The following GDPD1 variants were observed in gnomAD, a reference collection of about 807,000 sequenced individuals.
GDPD1 encodes the protein glycerophosphodiester phosphodiesterase domain containing 1.
A neutral mutation model predicts 45.1 loss-of-function variants in GDPD1; 28 were observed. That is an observed-to-expected ratio of 0.62 (90% CI 0.46 to 0.85). The LOEUF (loss-of-function observed/expected upper bound fraction) is 0.85. Ranked by LOEUF, GDPD1 falls within the 40% of genes least tolerant of loss-of-function variation. GDPD1 has a pLI of 0.00. For missense variants in GDPD1, 256 were observed against 364.8 expected, an observed-to-expected ratio of 0.70 and a Z score of 2.43; for synonymous variants, 139 against 131.4, an observed-to-expected ratio of 1.06 and a Z score of -0.40.
intron 2 of GDPD1, among the ~76,000 whole-genome samples, chr17:59,244,045 A>G (rs1053179910): frequency 1.3e-5 from 2 of 152,222 alleles, no homozygotes; most frequent in Non-Finnish European, 2.9e-5. Context: ...AGACCAAGGC[A>G]AGTTTTACCA....
chr17:59,272,314 A>G (rs1308718819), intron 8 of GDPD1, among the ~76,000 whole-genome samples: 3 of 152,236 alleles, frequency 2.0e-5, no homozygotes, highest in South Asian at 2.1e-4. Flanking sequence ...AGGATAGTGT[A>G]ATTAATGGAC....
intron 4 of GDPD1, among the ~76,000 whole-genome samples, chr17:59,255,857 G>GTATATATATATATATACACGTATATA (rs2047303450): frequency 1.2e-4 from 5 of 40,866 alleles, no homozygotes; most frequent in African/African-American, 7.3e-4. Context: ...ATATACACAC[G>GTATATATATATATATACACGTATATA]TATATATATA....
At chr17:59,264,081 C>T (rs1191448451) in intron 6 of GDPD1, among the ~76,000 whole-genome samples, 2 of 152,170 alleles carry the variant, frequency 1.3e-5, no homozygotes, top group African/African-American at 4.8e-5. Context: ...TCACCGCAAC[C>T]TCCGCCTGCT....
At chr17:59,263,099 C>A (rs943065171) in intron 6 of GDPD1, among the ~76,000 whole-genome samples, 6 of 152,244 alleles carry the variant, frequency 3.9e-5, no homozygotes, top group Middle Eastern at 3.4e-3. Context: ...GGTCTTGATA[C>A]TATAGTATAG....
chr17:59,220,606 T>A lies in GDPD1; in HGVS notation c.-4T>A, dbSNP rs557336698. On this transcript the variant is annotated 5_prime_UTR_variant, in exon 1 of 10. Transcript: ENST00000284116. ...GGTGGGAGACTTCCCACACGGTGAC[T>A]GAGATGTCGTCCACTGCGGCTTTTT... The A allele has an allele frequency of 6.9e-5, 112 of 1,612,832 alleles. No individual in the cohort carries two copies. Among genetic ancestry groups the A allele is most frequent in the Non-Finnish European group, 9.1e-5 (107 of 1,179,164 alleles).
intron 1 of GDPD1, among the ~76,000 whole-genome samples, chr17:59,230,190 T>C (rs1309578681): frequency 6.6e-6 from 1 of 151,870 alleles, no homozygotes; most frequent in Non-Finnish European, 1.5e-5. Flanking sequence ...ATATATGACC[T>C]GAAGAAAAAG....
Position 59,274,101 on chromosome 17 carries a change from T to C in GDPD1, c.*328T>C. On this transcript the variant is annotated 3_prime_UTR_variant, in exon 10 of 10. Coordinates refer to ENST00000284116, the MANE Select transcript of GDPD1 (RefSeq NM_182569.4). ...ACACAGAAATGTACATACTACATCA[T>C]CTACAGAAATCTTGATCAATAACCT... 1.3e-6 allele frequency: 1 copy of C among 761,858 alleles called. No homozygotes were observed. The highest frequency in any genetic ancestry group is 1.6e-6 in the Non-Finnish European group (1 of 626,686). 47.2% of individuals were successfully genotyped at this position (761,858 alleles called of 1,614,324 possible). A position where few individuals can be genotyped will look rare whatever the true frequency, so the allele number is the denominator to read the frequency against.
intron 1 of GDPD1, among the ~76,000 whole-genome samples, chr17:59,225,153 A>G (rs146914082): frequency 2.1e-3 from 264 of 126,648 alleles, no homozygotes; most frequent in Middle Eastern, 0.016. Flanking sequence ...GTCCAGTGGT[A>G]TGATCTCGGC....
intron 1 of GDPD1, among the ~76,000 whole-genome samples, chr17:59,229,768 G>A (rs1037423444): frequency 7.9e-5 from 12 of 152,216 alleles, no homozygotes; most frequent in South Asian, 2.1e-4. Flanking sequence ...CTTATTCAGC[G>A]TCCCCAAGGG....
chr17:59,256,498 G>A (rs374731575), intron 4 of GDPD1, among the ~76,000 whole-genome samples: 134 of 152,176 alleles, frequency 8.8e-4, no homozygotes, highest in African/African-American at 3.1e-3. Flanking sequence ...TTGCCTGAAT[G>A]TTATTTTTAA....
chr17:59,257,813 T>C lies in GDPD1; in HGVS notation c.549T>C (p.Tyr183=), dbSNP rs1396712938. 2.5e-6 allele frequency: 4 copies of C among 1,603,802 alleles called. No homozygotes were observed. Reference sequence around the variant, plus strand: ...TAACAGTGTGGGGTAATGCCAATTATGAAATTGTAGAAAAGTGCTACAAAG... The same window carrying C: ...TAACAGTGTGGGGTAATGCCAATTACGAAATTGTAGAAAAGTGCTACAAAG... ...EHLTVWGNAN[Y]EIVEKCYKEN... Residue 183 remains tyrosine (Y), a synonymous_variant, in exon 6 of 10, where the codon TAT becomes TAC. Transcript: ENST00000284116.
At position 59,274,972 on chromosome 17, in the gene GDPD1, C is replaced by A. The variant is rs184772782; in HGVS notation, c.*1199C>A. 7.8e-6 allele frequency: 4 copies of A among 515,812 alleles called. No individual in the cohort carries two copies. Among genetic ancestry groups the A allele is most frequent in the Non-Finnish European group, 7.0e-6 (2 of 283,914 alleles). 32.0% of individuals were successfully genotyped at this position (515,812 alleles called of 1,614,324 possible). ...TTCTCCTGCCTCTGCCTCCCGAGTA[C>A]CTGGGATTACAGGTGCCTGCTACCA... On this transcript the variant is annotated 3_prime_UTR_variant, in exon 10 of 10. Transcript: ENST00000284116.
At chr17:59,224,454 G>A (rs1028323957) in intron 1 of GDPD1, among the ~76,000 whole-genome samples, 1 of 151,720 alleles carries the variant, frequency 6.6e-6, no homozygotes, top group Admixed American at 6.6e-5. Flanking sequence ...AAACACCGTC[G>A]CTACTAAAAA....
intron 4 of GDPD1, among the ~76,000 whole-genome samples, chr17:59,256,223 G>T (rs2047308202): frequency 6.6e-6 from 1 of 151,812 alleles, no homozygotes; most frequent in Non-Finnish European, 1.5e-5. Context: ...AGGTCAAGGT[G>T]GGAGGATCAC....
chr17:59,265,764 G>C (rs1479016581), intron 6 of GDPD1, among the ~76,000 whole-genome samples: 1 of 151,480 alleles, frequency 6.6e-6, no homozygotes, highest in African/African-American at 2.4e-5. Flanking sequence ...AGCTGGGCAT[G>C]GTGGCACACA....
chr17:59,253,701 C>T (rs1170966350), intron 4 of GDPD1, among the ~76,000 whole-genome samples: 1 of 151,956 alleles, frequency 6.6e-6, no homozygotes, highest in African/African-American at 2.4e-5. Context: ...TTTTAATTTG[C>T]CCACACCGTG....
chr17:59,230,554 G>A (rs539304061), intron 1 of GDPD1, among the ~76,000 whole-genome samples: 1 of 151,492 alleles, frequency 6.6e-6, no homozygotes, highest in Non-Finnish European at 1.5e-5. Flanking sequence ...GGCTAATTTT[G>A]TATTTTTATT....
chr17:59,261,115 G>C (rs1237930427), intron 6 of GDPD1, among the ~76,000 whole-genome samples: 1 of 152,172 alleles, frequency 6.6e-6, no homozygotes, highest in Non-Finnish European at 1.5e-5. Context: ...GCAGGTGCGT[G>C]CTGCCATGCC....
intron 6 of GDPD1, among the ~76,000 whole-genome samples, chr17:59,264,005 A>G (rs1226418129): frequency 2.0e-5 from 3 of 151,714 alleles, no homozygotes; most frequent in Non-Finnish European, 4.4e-5. Context: ...ATTTTATTTT[A>G]TTTTATGTTT....
Sources: allele counts gnomAD v4.1 joint callset (sites outside exome capture counted in the v4.1 genomes callset), GRCh38; gene constraint gnomAD v4.1.1; transcripts MANE v1.5; gene names NCBI Gene and HGNC (gene_info 2026-07-23, HGNC 2026-07-21).